The following STOX1 variants were observed in gnomAD, a reference collection of about 807,000 sequenced individuals.
The protein encoded by STOX1 is storkhead-box protein 1.
STOX1 carries 57 observed loss-of-function variants against 74.8 expected under a neutral mutation model. The observed-to-expected ratio is 0.76, with a 90% CI of 0.62 to 0.95. The LOEUF (loss-of-function observed/expected upper bound fraction) is 0.95. STOX1 is among the 40% of genes least tolerant of loss of function. The pLI, the probability that STOX1 is intolerant of heterozygous loss-of-function variation, is 0.00. For missense variants in STOX1, 1,010 were observed against 1,117.0 expected (o/e 0.90, Z 1.37); for synonymous variants, 375 against 401.3 (o/e 0.93, Z 0.78).
chr10:68,874,131 A>G lies in STOX1; in HGVS notation c.311-7827A>G, dbSNP rs982672834. ...TAACTTATTAAAAAGGCAGTAACCT[A>G]AAACAATAGCCAAAAAAGTTAGAAT... On this transcript the variant is annotated intron_variant, in intron 1 of 3. Transcript: ENST00000298596. 6.7e-5 allele frequency among the ~76,000 whole-genome samples: 10 copies of G among 150,084 alleles called. No homozygotes were observed. The East Asian group carries it at 2.0e-3, about 30-fold the overall frequency.
At chr10:68,849,572 G>A (rs1839929387) in intron 1 of STOX1, among the ~76,000 whole-genome samples, 1 of 152,154 alleles carries the variant, frequency 6.6e-6, no homozygotes, top group South Asian at 2.1e-4. Context: ...AACCAGGGGA[G>A]GTTCATCTGT....
chr10:68,843,536 T>G (rs912591282), intron 1 of STOX1, among the ~76,000 whole-genome samples: 1 of 151,884 alleles, frequency 6.6e-6, no homozygotes, highest in African/African-American at 2.4e-5. Context: ...TTGTTACCGG[T>G]TTTTTTGTTG....
At chr10:68,893,383 A>G (rs929849962), downstream of STOX1, among the ~76,000 whole-genome samples, 2 of 152,242 alleles carry the variant, frequency 1.3e-5, no homozygotes, top group African/African-American at 4.8e-5. Flanking sequence ...GGCAAGAGGC[A>G]TCTGGCTGTA....
Position 68,892,755 on chromosome 10 carries a change from C to G in STOX1, c.*19C>G. On this transcript the variant is annotated 3_prime_UTR_variant, in exon 4 of 4. Coordinates refer to ENST00000298596, the MANE Select transcript of STOX1 (RefSeq NM_152709.5). ...CGTTTAATTTTCTTTTGGAAACCTA[C>G]TTTTTTCTTTATAAAAAGGTAGAGC... The G allele has an allele frequency of 6.2e-7, 1 of 1,610,456 alleles. No homozygotes were observed. Among genetic ancestry groups the G allele is most frequent in the Non-Finnish European group, 8.5e-7 (1 of 1,177,190 alleles).
intron 1 of STOX1, among the ~76,000 whole-genome samples, chr10:68,836,590 A>G (rs1235905463): frequency 2.6e-5 from 4 of 152,106 alleles, no homozygotes; most frequent in Non-Finnish European, 5.9e-5. Flanking sequence ...CCCAGGTCCC[A>G]AGGGCTGCCT....
intron 1 of STOX1, among the ~76,000 whole-genome samples, chr10:68,868,082 C>T (rs1002825789): frequency 7.2e-5 from 11 of 152,224 alleles, no homozygotes; most frequent in East Asian, 1.9e-4. Context: ...GTCGCTCTGG[C>T]GACCCTTCGA....
chr10:68,879,898 T>G (rs889740849), intron 1 of STOX1, among the ~76,000 whole-genome samples: 2 of 152,166 alleles, frequency 1.3e-5, no homozygotes, highest in Non-Finnish European at 2.9e-5. Flanking sequence ...GGGTGGCTAC[T>G]TATCCCAGTT....
At chr10:68,830,265 A>G (rs2133480394) in intron 1 of STOX1, among the ~76,000 whole-genome samples, 1 of 152,276 alleles carries the variant, frequency 6.6e-6, no homozygotes, top group Admixed American at 6.5e-5. Flanking sequence ...AACGCAGTGG[A>G]CTTCCGCCGG....
At chr10:68,828,890 G>C (rs1839335477) in intron 1 of STOX1, 2 of 789,996 alleles carry the variant, frequency 2.5e-6, no homozygotes, top group African/African-American at 3.8e-5. Flanking sequence ...CTGTTTGTTA[G>C]ACAACAGCAG....
chr10:68,849,692 A>G (rs963036087), intron 1 of STOX1, among the ~76,000 whole-genome samples: 1 of 152,152 alleles, frequency 6.6e-6, no homozygotes, highest in African/African-American at 2.4e-5. Context: ...AAAGCTAGTA[A>G]GGGTGGAAGC....
At chr10:68,882,500 C>CT (rs202110171) in intron 2 of STOX1, among the ~76,000 whole-genome samples, 6,069 of 141,412 alleles carry the variant, frequency 0.043, 357 homozygotes, top group African/African-American at 0.13. Context: ...TAAATTGGAT[C>CT]TTTTTTTTTT....
At chr10:68,877,481 G>T (rs1031815382) in intron 1 of STOX1, among the ~76,000 whole-genome samples, 6 of 152,166 alleles carry the variant, frequency 3.9e-5, no homozygotes, top group Non-Finnish European at 8.8e-5. Flanking sequence ...TTCACAGGAG[G>T]TTGCAAACAA....
At chr10:68,846,149 ATTATT>A (rs933798967) in intron 1 of STOX1, among the ~76,000 whole-genome samples, 1 of 144,328 alleles carries the variant, frequency 6.9e-6, no homozygotes, top group Non-Finnish European at 1.5e-5. Flanking sequence ...TATTATTATT[ATTATT>A]ATTATTATTT....
intron 3 of STOX1, among the ~76,000 whole-genome samples, chr10:68,890,429 C>T (rs1396069191): frequency 6.6e-6 from 1 of 152,062 alleles, no homozygotes; most frequent in African/African-American, 2.4e-5. Context: ...TCTCAAAGTG[C>T]TAGGGTTGTA....
chr10:68,846,123 TTA>T lies in STOX1; in HGVS notation c.310+18192_310+18193del, dbSNP rs1564572541. Among the ~76,000 whole-genome samples the T allele has an allele frequency of 0.018, 896 of 48,898 alleles. 22 individuals carry two copies. In the East Asian group the frequency reaches 0.24, roughly 13 times the overall value. The allele number at this position is 48,898 out of a possible 152,430, so 32.1% of individuals were successfully genotyped here. Reference sequence around the variant, plus strand: ...TACAAGTTATGGCTTGAGGTTTTTATTATTATTATTATTATTATTATTATTAT... The same window carrying T: ...TACAAGTTATGGCTTGAGGTTTTTATTTATTATTATTATTATTATTATTAT... On this transcript the variant is annotated intron_variant, in intron 1 of 3. Coordinates refer to ENST00000298596, the MANE Select transcript of STOX1 (RefSeq NM_152709.5).
chr10:68,829,264 C>G (rs1839345652), intron 1 of STOX1, among the ~76,000 whole-genome samples: 1 of 152,222 alleles, frequency 6.6e-6, no homozygotes, highest in Non-Finnish European at 1.5e-5. Flanking sequence ...CACCTGAGTT[C>G]AGGAGTTAGA....
chr10:68,854,934 C>T (rs978580519), intron 1 of STOX1, among the ~76,000 whole-genome samples: 14 of 151,946 alleles, frequency 9.2e-5, no homozygotes, highest in African/African-American at 3.1e-4. Flanking sequence ...GCCAGACTAT[C>T]TCTACAAAAA....
At chr10:68,879,890 G>A (rs1490687445) in intron 1 of STOX1, among the ~76,000 whole-genome samples, 4 of 152,090 alleles carry the variant, frequency 2.6e-5, no homozygotes, top group African/African-American at 4.8e-5. Context: ...TCTGGCTAGG[G>A]TGGCTACTTA....
intron 2 of STOX1, among the ~76,000 whole-genome samples, chr10:68,883,690 A>AT (rs1356898616): frequency 1.0e-3 from 152 of 151,436 alleles, no homozygotes; most frequent in Non-Finnish European, 1.9e-3. Context: ...CTGGGATTAC[A>AT]GGTGTGAGCC....
Sources: allele counts gnomAD v4.1 joint callset (sites outside exome capture counted in the v4.1 genomes callset), GRCh38; gene constraint gnomAD v4.1.1; transcripts MANE v1.5; gene names NCBI Gene and HGNC (gene_info 2026-07-23, HGNC 2026-07-21).